PEX13: variants seen among roughly 807,000 people sequenced by gnomAD.
PEX13 encodes peroxisome biogenesis factor 13.
Under a neutral mutation model 34.5 loss-of-function variants are expected in PEX13, and 28 were observed. The ratio of observed to expected loss-of-function variants is 0.81; its 90% CI spans 0.60 to 1.11. The LOEUF is 1.11. Ranked by LOEUF, PEX13 falls within the 50% of genes most tolerant of loss-of-function variation. PEX13 has a pLI of 0.00. For synonymous variants in PEX13, 177 were observed against 175.1 expected, an observed-to-expected ratio of 1.01 and a Z score of -0.09; for missense variants, 550 against 491.0, an observed-to-expected ratio of 1.12 and a Z score of -1.13.
intron 1 of PEX13, among the ~76,000 whole-genome samples, chr2:61,019,426 A>G (rs1483311577): frequency 6.6e-6 from 1 of 151,404 alleles, no homozygotes; most frequent in Non-Finnish European, 1.5e-5. Context: ...GATGTTTTTG[A>G]TTTTAATACA....
rs1277080837 is a variant in PEX13, at chr2:61,043,794, G to A, written c.788-1932G>A. Among the ~76,000 whole-genome samples, 5 of 152,094 alleles carry A rather than the reference G, an allele frequency of 3.3e-5. No individual in the cohort carries two copies. The East Asian group carries it at 5.8e-4, about 18-fold the overall frequency. On this transcript the variant is annotated intron_variant, in intron 2 of 3. Coordinates refer to ENST00000295030, the MANE Select transcript of PEX13 (RefSeq NM_002618.4). ...GCTGAAGATCCCGACTTGCCCTACC[G>A]CATGGCAATTCAATGGCAGAACAAG...
intron 2 of PEX13, among the ~76,000 whole-genome samples, chr2:61,036,145 TC>T (rs940512059): frequency 3.8e-4 from 58 of 152,088 alleles, no homozygotes; most frequent in African/African-American, 1.4e-3. Flanking sequence ...AAAGACCAAA[TC>T]TACGTTTGAT....
chr2:61,048,515 T>C lies in PEX13; in HGVS notation c.957T>C (p.Asp319=). The change falls in exon 4 of 4, where the codon GAT becomes GAC. Residue 319 remains aspartate (D), a synonymous_variant. Coordinates refer to ENST00000295030, the MANE Select transcript of PEX13 (RefSeq NM_002618.4). ...GTGGTTGGCTTCTGGCTAGCCTTGATGGCCAAACAACAGGACTTATACCTG... is the reference window on the plus strand; with the variant it reads ...GTGGTTGGCTTCTGGCTAGCCTTGACGGCCAAACAACAGGACTTATACCTG... ...KVRGWLLASL[D]GQTTGLIPAN... 2 of 1,614,124 alleles carry C rather than the reference T, an allele frequency of 1.2e-6. No individual in the cohort carries two copies. Among genetic ancestry groups the C allele is most frequent in the Non-Finnish European group, 1.7e-6 (2 of 1,179,996 alleles).
At chr2:61,045,516 G>T (rs572736628) in intron 2 of PEX13, among the ~76,000 whole-genome samples, 2 of 152,128 alleles carry the variant, frequency 1.3e-5, no homozygotes, top group Admixed American at 6.6e-5. Context: ...TAAGAGAGCG[G>T]GAAGTTGGAG....
rs773098988 is a variant in PEX13 at position 61,018,235 on chromosome 2, T to A, written c.92+384T>A. On this transcript the variant is annotated intron_variant, in intron 1 of 3. Transcript: ENST00000295030. ...GAGCGGCATTTGTCCAGCCACGGCATCGACAGGGAGCAAAGTCTCTCCTTA... is the reference window on the plus strand; with the variant it reads ...GAGCGGCATTTGTCCAGCCACGGCAACGACAGGGAGCAAAGTCTCTCCTTA... 8.4e-6 allele frequency: 13 copies of A among 1,551,156 alleles called. No individual in the cohort carries two copies. The South Asian group carries it at 1.4e-4, about 17-fold the overall frequency.
chr2:61,027,088 C>A (rs1680369345), intron 1 of PEX13, among the ~76,000 whole-genome samples: 1 of 150,796 alleles, frequency 6.6e-6, no homozygotes. Context: ...TTTGGGAGGC[C>A]AAGGCAGGAG....
At chr2:61,035,759 G>A (rs1039339731) in intron 2 of PEX13, among the ~76,000 whole-genome samples, 41 of 152,048 alleles carry the variant, frequency 2.7e-4, no homozygotes, top group East Asian at 2.5e-3. Context: ...CAAGGCGGGC[G>A]GATCACCTGA....
intron 1 of PEX13, among the ~76,000 whole-genome samples, chr2:61,029,835 A>G (rs1680421590): frequency 6.6e-6 from 1 of 152,066 alleles, no homozygotes; most frequent in Non-Finnish European, 1.5e-5. Context: ...GTATTCAGAA[A>G]AAAAAAAACT....
At chr2:61,048,414 A>C in intron 3 of PEX13, 58 bp from the exon 4 acceptor site, 8 of 1,384,306 alleles carry the variant, frequency 5.8e-6, no homozygotes, top group Non-Finnish European at 8.2e-6. Context: ...TACCATTACT[A>C]TTCTGTTGGA....
rs146241944 is a variant in PEX13, at chr2:61,027,869, T to A, written c.93-3550T>A. ...TGGCCGTTCACTGGCTCCTTTTAAG[T>A]TTTGTTCCATTTTTAAATATCAGAT... On this transcript the variant is annotated intron_variant, in intron 1 of 3. Transcript: ENST00000295030. 2.6e-3 allele frequency among the ~76,000 whole-genome samples: 402 copies of A among 152,342 alleles called. 1 individual carries two copies. Among genetic ancestry groups the A allele is most frequent in the African/African-American group, 8.3e-3 (343 of 41,574 alleles).
rs1573551384 is a variant in PEX13, at chr2:61,028,111, T to C, written c.93-3308T>C. ...GGTACAAAACTGTCATCCCATAGATTATATACTAATTACAAAGGGAAAGAT... is the reference window on the plus strand; with the variant it reads ...GGTACAAAACTGTCATCCCATAGATCATATACTAATTACAAAGGGAAAGAT... On this transcript the variant is annotated intron_variant, in intron 1 of 3. Coordinates refer to ENST00000295030, the MANE Select transcript of PEX13 (RefSeq NM_002618.4). 3.9e-5 allele frequency among the ~76,000 whole-genome samples: 6 copies of C among 152,178 alleles called. 1 individual carries two copies. The highest frequency in any genetic ancestry group is 1.2e-4 in the African/African-American group (5 of 41,446).
In PEX13 at chr2:61,044,527, T is replaced by C. The variant is rs565058729; in HGVS notation, c.788-1199T>C. ...TCAGCCTCTCAAAGTACTGGGATTATAGGCATGCGCCACCATGCCCGGCTA... is the reference window on the plus strand; with the variant it reads ...TCAGCCTCTCAAAGTACTGGGATTACAGGCATGCGCCACCATGCCCGGCTA... On this transcript the variant is annotated intron_variant, in intron 2 of 3. Transcript: ENST00000295030. 1.8e-4 allele frequency among the ~76,000 whole-genome samples: 27 copies of C among 152,296 alleles called. No individual in the cohort carries two copies. In the South Asian group the frequency reaches 5.4e-3, roughly 30 times the overall value.
intron 1 of PEX13, among the ~76,000 whole-genome samples, chr2:61,021,881 A>T (rs1680270560): frequency 6.6e-6 from 1 of 152,210 alleles, no homozygotes; most frequent in Non-Finnish European, 1.5e-5. Flanking sequence ...TACCCAGGCA[A>T]ACAGGGTCTG....
chr2:61,048,322 A>C lies in PEX13; in HGVS notation c.914-150A>C, dbSNP rs1384940767. On this transcript the variant is annotated intron_variant, in intron 3 of 3. Coordinates refer to ENST00000295030, the MANE Select transcript of PEX13 (RefSeq NM_002618.4). ...GACCCTAGAACTGTTAAGCCTACTC[A>C]GCATTTGATTTTGAATATATATGCA... The C allele has an allele frequency of 5.9e-6, 4 of 681,210 alleles. No individual in the cohort carries two copies. In the East Asian group the frequency reaches 1.1e-4, roughly 18 times the overall value. The allele number at this position is 681,210 out of a possible 1,614,324, so 42.2% of individuals were successfully genotyped here.
intron 2 of PEX13, among the ~76,000 whole-genome samples, chr2:61,041,939 A>ATT (rs1306189297): frequency 2.0e-5 from 3 of 152,180 alleles, no homozygotes; most frequent in Non-Finnish European, 4.4e-5. Flanking sequence ...AGGAGAGGAA[A>ATT]TCGGTAATGA....
chr2:61,022,203 T>G (rs929466248), intron 1 of PEX13, among the ~76,000 whole-genome samples: 3 of 152,150 alleles, frequency 2.0e-5, no homozygotes, highest in African/African-American at 7.2e-5. Context: ...GAAGTAGGCT[T>G]CAGAAGGTCG....
At chr2:61,038,499 A>C (rs952935376) in intron 2 of PEX13, among the ~76,000 whole-genome samples, 24 of 152,372 alleles carry the variant, frequency 1.6e-4, no homozygotes, top group South Asian at 1.0e-3. Context: ...AACCAAAGAC[A>C]AAAACCAAAT....
At position 61,031,503 on chromosome 2, in the gene PEX13, A is replaced by G; in HGVS notation, c.177A>G (p.Pro59=). Residue 59 remains proline, a synonymous_variant, in exon 2 of 4, where the codon CCA becomes CCG. Transcript: ENST00000295030. The part of the protein sequence containing the change: ...TRVPPPILPR[P]SQQTGSSSVN... ...TGCCCCCACCTATTCTTCCAAGGCC[A>G]TCACAGCAGACAGGAAGTAGCAGTG... is the stretch of plus-strand genomic sequence containing the variant. 1 of 1,614,184 alleles carries G rather than the reference A, an allele frequency of 6.2e-7. No homozygotes were observed. Among genetic ancestry groups the G allele is most frequent in the Non-Finnish European group, 8.5e-7 (1 of 1,180,004 alleles).
At chr2:61,023,621 T>G (rs751489983) in intron 1 of PEX13, among the ~76,000 whole-genome samples, 11 of 152,178 alleles carry the variant, frequency 7.2e-5, no homozygotes, top group Non-Finnish European at 1.2e-4. Flanking sequence ...AGTAACATTA[T>G]CTGACTCACT....
Sources: allele counts gnomAD v4.1 joint callset (sites outside exome capture counted in the v4.1 genomes callset), GRCh38; gene constraint gnomAD v4.1.1; transcripts MANE v1.5; gene names NCBI Gene and HGNC (gene_info 2026-07-23, HGNC 2026-07-21).